Variants in ARHGAP22 observed in about 807,000 individuals in gnomAD.
ARHGAP22 encodes rho GTPase-activating protein 22.
In ARHGAP22, 48 loss-of-function variants were observed where a neutral mutation model predicts 59.1. The observed-to-expected ratio is 0.81, with a 90% CI of 0.64 to 1.03. The LOEUF is 1.03. Among genes scored for constraint, ARHGAP22 ranks in the 50% least tolerant of loss-of-function variants. The pLI, the probability that ARHGAP22 is intolerant of heterozygous loss-of-function variation, is 0.00. For missense variants in ARHGAP22, 1,015 were observed against 958.7 expected (o/e 1.06, Z -0.78); for synonymous variants, 445 against 416.4 (o/e 1.07, Z -0.84).
At chr10:48,524,787 C>G (rs927561484) in intron 3 of ARHGAP22, among the ~76,000 whole-genome samples, 3 of 152,118 alleles carry the variant, frequency 2.0e-5, no homozygotes, top group Admixed American at 6.5e-5. Flanking sequence ...AGTCATCTCC[C>G]CTCTGAGACT....
chr10:48,652,093 GGAGGTCA>G, intron 1 of ARHGAP22: 2 of 722,340 alleles, frequency 2.8e-6, no homozygotes, highest in Non-Finnish European at 4.7e-6. Flanking sequence ...AGGAGCTGAA[GGAGGTCA>G]GAACCCTGAC....
At chr10:48,639,117 C>T (rs1327971425) in intron 1 of ARHGAP22, among the ~76,000 whole-genome samples, 1 of 152,226 alleles carries the variant, frequency 6.6e-6, no homozygotes, top group Non-Finnish European at 1.5e-5. Flanking sequence ...CTTCTCTAAG[C>T]TCAGTCCTCA....
chr10:48,591,231 G>A (rs985605493), intron 1 of ARHGAP22, among the ~76,000 whole-genome samples: 10 of 152,168 alleles, frequency 6.6e-5, no homozygotes, highest in Non-Finnish European at 1.2e-4. Flanking sequence ...ATGAAAACAC[G>A]TTAACACAAA....
At chr10:48,442,712 CT>C (rs919144788), downstream of ARHGAP22, among the ~76,000 whole-genome samples, 1 of 152,176 alleles carries the variant, frequency 6.6e-6, no homozygotes, top group Non-Finnish European at 1.5e-5. Flanking sequence ...CCCTTGTCTC[CT>C]TTTACCACAG....
At chr10:48,499,017 C>T (rs984900803) in intron 3 of ARHGAP22, among the ~76,000 whole-genome samples, 3 of 152,030 alleles carry the variant, frequency 2.0e-5, no homozygotes, top group Admixed American at 6.6e-5. Context: ...ATGGAAGGGG[C>T]GTGTCCTGCC....
At chr10:48,604,149 C>G (rs2060542491) in intron 1 of ARHGAP22, among the ~76,000 whole-genome samples, 3 of 152,242 alleles carry the variant, frequency 2.0e-5, no homozygotes, top group Admixed American at 2.0e-4. Context: ...TGGCTGGACA[C>G]AGGCTGGCTA....
At chr10:48,656,196 G>A (rs983865449), upstream of ARHGAP22, 1 of 151,620 alleles carries the variant, frequency 6.6e-6, no homozygotes, top group Non-Finnish European at 1.5e-5. Flanking sequence ...CAGGCGAGCA[G>A]GGCCGGGGGG....
intron 3 of ARHGAP22, among the ~76,000 whole-genome samples, chr10:48,535,444 G>C (rs1171418595): frequency 6.6e-6 from 1 of 152,206 alleles, no homozygotes; most frequent in Non-Finnish European, 1.5e-5. Flanking sequence ...AGGGAGAGGG[G>C]GCAGGGAGTT....
chr10:48,635,512 C>T (rs2061781523), intron 1 of ARHGAP22, among the ~76,000 whole-genome samples: 1 of 152,240 alleles, frequency 6.6e-6, no homozygotes, highest in Non-Finnish European at 1.5e-5. Context: ...ACCCTAAGCC[C>T]TGGGCAAACA....
At chr10:48,610,208 C>T (rs1247071588) in intron 1 of ARHGAP22, among the ~76,000 whole-genome samples, 1 of 152,222 alleles carries the variant, frequency 6.6e-6, no homozygotes, top group Non-Finnish European at 1.5e-5. Flanking sequence ...TTTGACAGCT[C>T]AGGACCCCAG....
intron 1 of ARHGAP22, among the ~76,000 whole-genome samples, chr10:48,642,527 C>T (rs1208261157): frequency 3.9e-5 from 6 of 152,202 alleles, no homozygotes; most frequent in African/African-American, 7.2e-5. Context: ...GGAAAACTGG[C>T]TAGCCATATG....
chr10:48,555,497 C>T lies in ARHGAP22; in HGVS notation c.288G>A (p.Glu96=), dbSNP rs1016170029. ...TCTCAAAGAGGTGCTTCCCTGGGTC[C>T]TCGGGGCCAGGAGGAAGTTCAGTCA... The part of the protein sequence containing the change: ...TQVTELPPGP[E]DPGKHLFEIS... The change falls in exon 3 of 10, where the codon GAG becomes GAA. Residue 96 remains glutamate (E), a synonymous_variant. Transcript: ENST00000249601. The T allele has an allele frequency of 2.5e-6, 4 of 1,614,080 alleles. No homozygotes were observed. The African/African-American group carries it at 5.3e-5, about 22-fold the overall frequency.
At chr10:48,542,428 A>G (rs1233404119) in intron 3 of ARHGAP22, among the ~76,000 whole-genome samples, 1 of 152,136 alleles carries the variant, frequency 6.6e-6, no homozygotes, top group Non-Finnish European at 1.5e-5. Context: ...TGTGTTTTTT[A>G]AGTGAAGTCG....
At chr10:48,452,094 G>A (rs113987287) in intron 8 of ARHGAP22, among the ~76,000 whole-genome samples, 1 of 151,946 alleles carries the variant, frequency 6.6e-6, no homozygotes, top group East Asian at 1.9e-4. Flanking sequence ...ACAATCCCCC[G>A]TGTCTAGGCC....
upstream of ARHGAP22, among the ~76,000 whole-genome samples, chr10:48,607,834 G>C (rs531471395): frequency 6.6e-6 from 1 of 152,342 alleles, no homozygotes; most frequent in East Asian, 1.9e-4. Context: ...TATTTTCTAA[G>C]GGCTGTTCAG....
At chr10:48,624,888 C>T (rs1340656183) in intron 1 of ARHGAP22, 6 of 152,246 alleles carry the variant, frequency 3.9e-5, no homozygotes, top group Non-Finnish European at 8.8e-5. Context: ...GATAGGGAAA[C>T]CCAAGCTACA....
intron 3 of ARHGAP22, among the ~76,000 whole-genome samples, chr10:48,530,766 A>G (rs1257312193): frequency 1.3e-5 from 2 of 152,240 alleles, no homozygotes; most frequent in Non-Finnish European, 2.9e-5. Flanking sequence ...AAATAAAAAT[A>G]AAATAGATGT....
intron 1 of ARHGAP22, among the ~76,000 whole-genome samples, chr10:48,593,413 G>T (rs1383143813): frequency 1.3e-5 from 2 of 152,214 alleles, no homozygotes; most frequent in Non-Finnish European, 2.9e-5. Flanking sequence ...GCCTGAAACT[G>T]CAGGTAGTAC....
At chr10:48,576,154 T>G (rs551726622) in intron 2 of ARHGAP22, among the ~76,000 whole-genome samples, 34 of 152,358 alleles carry the variant, frequency 2.2e-4, no homozygotes, top group African/African-American at 7.7e-4. Context: ...TCAGAGACTA[T>G]GGGCTCCCCA....
Sources: allele counts gnomAD v4.1 joint callset (sites outside exome capture counted in the v4.1 genomes callset), GRCh38; gene constraint gnomAD v4.1.1; transcripts MANE v1.5; gene names NCBI Gene and HGNC (gene_info 2026-07-23, HGNC 2026-07-21).